Variants in ARHGAP28 observed in about 807,000 individuals in gnomAD.
The protein encoded by ARHGAP28 is rho GTPase-activating protein 28.
Under a neutral mutation model 90.7 loss-of-function variants are expected in ARHGAP28, and 56 were observed. That is an observed-to-expected ratio of 0.62 (90% CI 0.50 to 0.77). The LOEUF is 0.77. Among genes scored for constraint, ARHGAP28 ranks in the 30% least tolerant of loss-of-function variants. The probability of loss-of-function intolerance (pLI) is 0.00; values close to 1 mark genes in which losing one functional copy is unlikely to be tolerated. For synonymous variants in ARHGAP28, 308 were observed against 323.3 expected, an observed-to-expected ratio of 0.95 and a Z score of 0.51; for missense variants, 869 against 900.9, an observed-to-expected ratio of 0.96 and a Z score of 0.45.
intron 1 of ARHGAP28, among the ~76,000 whole-genome samples, chr18:6,750,187 C>G (rs974814670): frequency 6.6e-6 from 1 of 151,958 alleles, no homozygotes; most frequent in Admixed American, 6.6e-5. Context: ...GTATTAAAGC[C>G]CCTAGGGTTT....
intron 17 of ARHGAP28, among the ~76,000 whole-genome samples, chr18:6,909,295 CTTTTCTTT>C (rs2057382634): frequency 1.9e-5 from 1 of 52,384 alleles, no homozygotes. Context: ...CTTTTCTTTT[CTTTTCTTT>C]TTTTTTTGAG....
At chr18:6,865,351 A>C (rs2057030339) in intron 5 of ARHGAP28, among the ~76,000 whole-genome samples, 1 of 152,220 alleles carries the variant, frequency 6.6e-6, no homozygotes, top group Non-Finnish European at 1.5e-5. Context: ...TGCAAGTGTT[A>C]TATCTTCTGC....
At chr18:6,823,573 G>T (rs2056640235) in intron 1 of ARHGAP28, among the ~76,000 whole-genome samples, 1 of 150,852 alleles carries the variant, frequency 6.6e-6, no homozygotes, top group East Asian at 1.9e-4. Flanking sequence ...CCCAGAAGTG[G>T]AATTGCTGGG....
At chr18:6,847,296 C>T (rs67003835) in intron 3 of ARHGAP28, among the ~76,000 whole-genome samples, 22,347 of 151,992 alleles carry the variant, frequency 0.15, 2,637 homozygotes, top group East Asian at 0.31. Flanking sequence ...ACAAGGGACT[C>T]TCATTATTCT....
intron 1 of ARHGAP28, among the ~76,000 whole-genome samples, chr18:6,797,911 C>T (rs1052069954): frequency 1.1e-4 from 16 of 152,220 alleles, no homozygotes; most frequent in East Asian, 7.7e-4. Context: ...CCGCCTGCCT[C>T]GGCTTCCCAA....
intron 2 of ARHGAP28, 34 bp downstream of exon 2, chr18:6,824,998 C>T: frequency 1.3e-6 from 2 of 1,495,876 alleles, no homozygotes; most frequent in Non-Finnish European, 1.8e-6. Flanking sequence ...TATGTGCTGA[C>T]TGGCTTTCTT....
In ARHGAP28 at chr18:6,873,742, C is replaced by T. The variant is rs762580085; in HGVS notation, c.1179C>T (p.Asp393=). The change falls in exon 9 of 18, where the codon GAC becomes GAT. Residue 393 remains aspartate (D), a synonymous_variant. Coordinates refer to ENST00000383472, the MANE Select transcript of ARHGAP28 (RefSeq NM_001366230.1). The stretch of plus-strand genomic sequence containing the variant: ...TCCTGGACGGTGACCGAAAGAAAGA[C>T]CCTGGAGTGAAAGTTCCCCTGGTAT... ...TVLLDGDRKK[D]PGVKVPLVLQ... 2.5e-6 allele frequency: 4 copies of T among 1,613,748 alleles called. No individual in the cohort carries two copies. The highest frequency in any genetic ancestry group is 3.4e-6 in the Non-Finnish European group (4 of 1,179,948).
intron 5 of ARHGAP28, among the ~76,000 whole-genome samples, chr18:6,867,560 A>G (rs1383003042): frequency 6.6e-6 from 1 of 152,174 alleles, no homozygotes; most frequent in Non-Finnish European, 1.5e-5. Flanking sequence ...ATAATACTGA[A>G]GGGGAGTTCA....
intron 3 of ARHGAP28, among the ~76,000 whole-genome samples, chr18:6,840,745 A>G (rs1161192643): frequency 6.6e-6 from 1 of 152,170 alleles, no homozygotes; most frequent in Non-Finnish European, 1.5e-5. Context: ...GTGGGTGGGC[A>G]CAGGAGAAAG....
At chr18:6,776,694 A>C (rs2056286588) in intron 1 of ARHGAP28, among the ~76,000 whole-genome samples, 2 of 152,310 alleles carry the variant, frequency 1.3e-5, no homozygotes, top group African/African-American at 4.8e-5. Context: ...CTTAGTTATG[A>C]TGGTGACCTT....
At chr18:6,841,157 T>TTCTCTCTCTCCTCTCTCTCTCTCC (rs1420153749) in intron 3 of ARHGAP28, among the ~76,000 whole-genome samples, 12 of 70,316 alleles carry the variant, frequency 1.7e-4, no homozygotes, top group African/African-American at 6.6e-4. Context: ...TCTCTCCTCT[T>TTCTCTCTCTCCTCTCTCTCTCTCC]TCTCTCTCTC....
intron 2 of ARHGAP28, among the ~76,000 whole-genome samples, chr18:6,831,229 G>A (rs1367051073): frequency 6.6e-6 from 1 of 152,062 alleles, no homozygotes; most frequent in African/African-American, 2.4e-5. Flanking sequence ...CATGCATCTT[G>A]CTTTGTGAAA....
intron 10 of ARHGAP28, among the ~76,000 whole-genome samples, chr18:6,880,428 C>T (rs537045374): frequency 2.0e-5 from 3 of 152,148 alleles, no homozygotes; most frequent in South Asian, 4.1e-4. Flanking sequence ...TCCACCCACC[C>T]GACCTATGCC....
chr18:6,736,325 A>G (rs1446812374), intron 1 of ARHGAP28, among the ~76,000 whole-genome samples: 1 of 151,900 alleles, frequency 6.6e-6, no homozygotes, highest in African/African-American at 2.4e-5. Flanking sequence ...CAGTTTTGAC[A>G]CAAAGTATAA....
At chr18:6,738,435 T>C (rs993656283) in intron 1 of ARHGAP28, among the ~76,000 whole-genome samples, 3 of 152,172 alleles carry the variant, frequency 2.0e-5, no homozygotes, top group African/African-American at 7.2e-5. Context: ...TGAAATTTCC[T>C]ATTGAGTATT....
intron 1 of ARHGAP28, among the ~76,000 whole-genome samples, chr18:6,776,485 GTGCGGTGC>G (rs2056284681): frequency 6.6e-6 from 1 of 152,216 alleles, no homozygotes; most frequent in South Asian, 2.1e-4. Context: ...CTCCCTGAAG[GTGCGGTGC>G]TGCTGGCGGT....
chr18:6,873,149 A>C (rs951750713), intron 7 of ARHGAP28, among the ~76,000 whole-genome samples: 9 of 152,206 alleles, frequency 5.9e-5, no homozygotes, highest in African/African-American at 2.2e-4. Flanking sequence ...GTTCCTTATA[A>C]AGAAGGCAGT....
At chr18:6,882,075 G>C in intron 10 of ARHGAP28, 62 bp from the exon 11 acceptor site, 1 of 1,485,040 alleles carries the variant, frequency 6.7e-7, no homozygotes, top group South Asian at 1.4e-5. Flanking sequence ...AGTTTTCGAA[G>C]GGGAAAATGG....
intron 1 of ARHGAP28, among the ~76,000 whole-genome samples, chr18:6,784,224 G>A (rs2056349196): frequency 6.6e-6 from 1 of 152,116 alleles, no homozygotes; most frequent in Non-Finnish European, 1.5e-5. Flanking sequence ...CTGTAGCCCA[G>A]CGGTATTTGT....
Sources: allele counts gnomAD v4.1 joint callset (sites outside exome capture counted in the v4.1 genomes callset), GRCh38; gene constraint gnomAD v4.1.1; transcripts MANE v1.5; gene names NCBI Gene and HGNC (gene_info 2026-07-23, HGNC 2026-07-21).